NTM: variants seen among roughly 807,000 people sequenced by gnomAD.
NTM encodes the protein neurotrimin.
A neutral mutation model predicts 42.1 loss-of-function variants in NTM; 13 were observed. That is an observed-to-expected ratio of 0.31 (90% confidence interval 0.20 to 0.49). The LOEUF is 0.49. NTM is among the 20% of genes least tolerant of loss of function. The pLI, the probability that NTM is intolerant of heterozygous loss-of-function variation, is 0.99. For synonymous variants in NTM, 187 were observed against 179.2 expected (o/e 1.04, Z -0.35); for missense variants, 373 against 452.8 (o/e 0.82, Z 1.60).
At chr11:131,417,268 C>A (rs1320297462) in intron 1 of NTM, among the ~76,000 whole-genome samples, 1 of 152,204 alleles carries the variant, frequency 6.6e-6, no homozygotes, top group Non-Finnish European at 1.5e-5. Context: ...CGAAAACCTA[C>A]CCAAACTGTG....
chr11:131,789,396 A>C lies in NTM; in HGVS notation c.83-122168A>C, dbSNP rs185397453. 6.9e-4 allele frequency among the ~76,000 whole-genome samples: 89 copies of C among 129,764 alleles called. 3 individuals carry two copies. The highest frequency in any genetic ancestry group is 3.5e-3 in the Middle Eastern group (1 of 282). The allele number at this position is 129,764 out of a possible 152,430, so 85.1% of individuals were successfully genotyped here. A position where few individuals can be genotyped will look rare whatever the true frequency, so the allele number is the denominator to read the frequency against. ...GAAGAAGATTTAAGGGGAGCTCAGA[A>C]GTATTGCTGCAGTTAAAAGAAAAAA... On this transcript the variant is annotated intron_variant, in intron 1 of 8. Transcript: ENST00000683400.
chr11:132,066,363 A>G (rs1399173150), intron 2 of NTM, among the ~76,000 whole-genome samples: 1 of 152,198 alleles, frequency 6.6e-6, no homozygotes, highest in Non-Finnish European at 1.5e-5. Context: ...AGCTAGCTGG[A>G]TATTCATCTG....
intron 1 of NTM, among the ~76,000 whole-genome samples, chr11:131,856,129 A>G (rs1421662073): frequency 1.3e-5 from 2 of 151,188 alleles, no homozygotes; most frequent in East Asian, 3.9e-4. Context: ...GGGTGAATAA[A>G]GTGAGAATCT....
At chr11:131,805,794 C>T (rs1377616226) in intron 1 of NTM, among the ~76,000 whole-genome samples, 2 of 152,118 alleles carry the variant, frequency 1.3e-5, no homozygotes, top group Non-Finnish European at 2.9e-5. Flanking sequence ...CAGTGAATAT[C>T]AGAGATTCTT....
At chr11:131,619,730 C>G (rs1030351120) in intron 1 of NTM, among the ~76,000 whole-genome samples, 1 of 151,548 alleles carries the variant, frequency 6.6e-6, no homozygotes, top group African/African-American at 2.4e-5. Context: ...GAGCAGCAGA[C>G]GTGGTGTAGA....
At chr11:131,715,207 C>G (rs189948979) in intron 1 of NTM, among the ~76,000 whole-genome samples, 1 of 152,276 alleles carries the variant, frequency 6.6e-6, no homozygotes, top group East Asian at 1.9e-4. Flanking sequence ...TCAGATTATA[C>G]AAGAGAAAGA....
intron 1 of NTM, among the ~76,000 whole-genome samples, chr11:131,606,812 G>C (rs1198636963): frequency 6.6e-6 from 1 of 152,214 alleles, no homozygotes; most frequent in Non-Finnish European, 1.5e-5. Context: ...CAATGGGCCA[G>C]TGTGCTTTAG....
intron 1 of NTM, among the ~76,000 whole-genome samples, chr11:131,609,184 G>A (rs2061266184): frequency 6.6e-6 from 1 of 152,210 alleles, no homozygotes; most frequent in African/African-American, 2.4e-5. Context: ...TGCTCTGGAT[G>A]GGAGAGATCT....
chr11:132,118,893 A>G (rs1302744953), intron 2 of NTM, among the ~76,000 whole-genome samples: 1 of 152,146 alleles, frequency 6.6e-6, no homozygotes, highest in Non-Finnish European at 1.5e-5. Context: ...GCAGCTGTGA[A>G]ATGAAATATA....
chr11:132,157,100 T>A (rs575882128), intron 3 of NTM, among the ~76,000 whole-genome samples: 2 of 152,334 alleles, frequency 1.3e-5, no homozygotes, highest in African/African-American at 2.4e-5. Flanking sequence ...GTGAGAGTCA[T>A]TTTTGGACGT....
rs535534637 is a variant in NTM at position 131,983,716 on chromosome 11, G to GTTGACTCAATATAAATTT, written c.167+72069_167+72086dup. Among the ~76,000 whole-genome samples, 1,087 of 152,240 alleles carry GTTGACTCAATATAAATTT rather than the reference G, an allele frequency of 7.1e-3. 42 individuals are homozygous for GTTGACTCAATATAAATTT. Among genetic ancestry groups the GTTGACTCAATATAAATTT allele is most frequent in the Admixed American group, 0.061 (932 of 15,290 alleles). On this transcript the variant is annotated intron_variant, in intron 2 of 8. Coordinates refer to ENST00000683400, the MANE Select transcript of NTM (RefSeq NM_001352005.2). ...CTATTATATAAATAAAATTCTCTGAGTTGACTCAATATAAATTTATGACTT... is the reference window on the plus strand; with the variant it reads ...CTATTATATAAATAAAATTCTCTGAGTTGACTCAATATAAATTTTTGACTCAATATAAATTTATGACTT...
chr11:131,561,418 A>T (rs974489264), intron 1 of NTM, among the ~76,000 whole-genome samples: 11 of 152,212 alleles, frequency 7.2e-5, no homozygotes, highest in African/African-American at 2.7e-4. Context: ...AATGGTGCTT[A>T]ATTAAATCTT....
chr11:131,722,377 C>T (rs966196585), intron 1 of NTM, among the ~76,000 whole-genome samples: 4 of 152,150 alleles, frequency 2.6e-5, no homozygotes, highest in African/African-American at 7.2e-5. Context: ...TGTTGCCTGA[C>T]GGCCAAAAGG....
At chr11:132,228,458 C>T (rs2086775271) in intron 4 of NTM, among the ~76,000 whole-genome samples, 1 of 152,206 alleles carries the variant, frequency 6.6e-6, no homozygotes, top group Non-Finnish European at 1.5e-5. Context: ...AAATGCTCCT[C>T]TTCAGAGTCC....
intron 1 of NTM, among the ~76,000 whole-genome samples, chr11:131,506,239 G>C (rs390914): frequency 0.32 from 48,889 of 151,892 alleles, 8,043 homozygotes; most frequent in East Asian, 0.4. Flanking sequence ...TACCTCATTC[G>C]GAGGGCTTTT....
intron 2 of NTM, among the ~76,000 whole-genome samples, chr11:132,108,356 T>G (rs778377222): frequency 2.0e-5 from 3 of 152,194 alleles, no homozygotes; most frequent in Non-Finnish European, 2.9e-5. Context: ...AACATATTTT[T>G]AAGGAATGAA....
chr11:131,889,411 C>T (rs1428854363), intron 1 of NTM, among the ~76,000 whole-genome samples: 1 of 152,202 alleles, frequency 6.6e-6, no homozygotes, highest in South Asian at 2.1e-4. Context: ...TCACACATCA[C>T]GCCTGAGTGC....
intron 1 of NTM, among the ~76,000 whole-genome samples, chr11:131,641,592 G>C (rs2065136190): frequency 6.6e-6 from 1 of 152,114 alleles, no homozygotes; most frequent in Admixed American, 6.5e-5. Flanking sequence ...CCATTTCCAA[G>C]GGGGGGAAGC....
At chr11:131,393,944 T>C (rs972553360) in intron 1 of NTM, among the ~76,000 whole-genome samples, 14 of 152,224 alleles carry the variant, frequency 9.2e-5, no homozygotes, top group African/African-American at 3.4e-4. Flanking sequence ...TGCAAGCCGA[T>C]TAATCCTAGA....
Sources: allele counts gnomAD v4.1 joint callset (sites outside exome capture counted in the v4.1 genomes callset), GRCh38; gene constraint gnomAD v4.1.1; transcripts MANE v1.5; gene names NCBI Gene and HGNC (gene_info 2026-07-23, HGNC 2026-07-21).